The following ENPP1 variants were observed in gnomAD, a reference collection of about 807,000 sequenced individuals.
ENPP1 encodes the protein ectonucleotide pyrophosphatase/phosphodiesterase 1, also known as ectonucleotide pyrophosphatase/phosphodiesterase family member 1.
Under a neutral mutation model 122.8 loss-of-function variants are expected in ENPP1, and 73 were observed. That is an observed-to-expected ratio of 0.59 (90% CI 0.49 to 0.72). ENPP1 has a LOEUF of 0.72. ENPP1 is among the 30% of genes least tolerant of loss of function. ENPP1 has a pLI of 0.00. For synonymous variants in ENPP1, 367 were observed against 391.6 expected, an observed-to-expected ratio of 0.94 and a Z score of 0.74; for missense variants, 978 against 1,128.1, an observed-to-expected ratio of 0.87 and a Z score of 1.91.
chr6:131,849,762 C>G (rs889756959), intron 2 of ENPP1, among the ~76,000 whole-genome samples: 2 of 152,046 alleles, frequency 1.3e-5, no homozygotes, highest in Admixed American at 1.3e-4. Flanking sequence ...TCTTTCTTTC[C>G]TACATCAGGA....
chr6:131,885,352 G>C (rs773438494), intron 23 of ENPP1, among the ~76,000 whole-genome samples: 12 of 152,272 alleles, frequency 7.9e-5, no homozygotes, highest in Non-Finnish European at 1.5e-4. Context: ...ATCTCTGTGT[G>C]GCTGATTGTT....
intron 1 of ENPP1, among the ~76,000 whole-genome samples, chr6:131,817,287 C>G (rs887910110): frequency 6.6e-6 from 1 of 152,160 alleles, no homozygotes; most frequent in South Asian, 2.1e-4. Flanking sequence ...TTCCAACTCT[C>G]CTTTGCCTGC....
chr6:131,891,345 G>C lies in ENPP1; in HGVS notation c.*834G>C, dbSNP rs912794165. On this transcript the variant is annotated 3_prime_UTR_variant, in exon 25 of 25. Coordinates refer to ENST00000647893, the MANE Select transcript of ENPP1 (RefSeq NM_006208.3). Reference sequence around the variant, plus strand: ...TCAGAGCACCAGTCAGTGCATGCAAGGTGCCATTTTTTATTGAGATGCTTA... The same window carrying C: ...TCAGAGCACCAGTCAGTGCATGCAACGTGCCATTTTTTATTGAGATGCTTA... The C allele has an allele frequency of 6.9e-6, 1 of 145,360 alleles. No individual in the cohort carries two copies. The highest frequency in any genetic ancestry group is 2.4e-5 in the African/African-American group (1 of 41,068). The allele number at this position is 145,360 out of a possible 1,614,324, so 9.0% of individuals were successfully genotyped here. A position where few individuals can be genotyped will look rare whatever the true frequency, so the allele number is the denominator to read the frequency against.
chr6:131,878,696 A>G (rs921913874), intron 19 of ENPP1, 103 bp downstream of exon 19: 9 of 878,580 alleles, frequency 1.0e-5, no homozygotes, highest in African/African-American at 5.0e-5. Context: ...AGAATAACCA[A>G]TAAAATAAAG....
rs1163116799 is a variant in ENPP1, at chr6:131,808,254, C to A, written c.219C>A (p.Asn73Lys). ...AARARTAKDP[N>K]TYKVLSLVLS... ...GCGCCCGCACTGCCAAGGACCCCAA[C>A]ACCTATAAAGTACTCTCGCTGGTAG... is the stretch of plus-strand genomic sequence containing the variant. Residue 73 changes from asparagine to lysine, a missense_variant, in exon 1 of 25, where the codon AAC becomes AAA. Around this residue, in one of 3 missense-constraint regions of ENPP1, gnomAD observed 330 missense variants for 328.5 expected, o/e 1.00. Transcript: ENST00000647893. The A allele has an allele frequency of 1.7e-5, 26 of 1,518,370 alleles. No individual in the cohort carries two copies. In the South Asian group the frequency reaches 2.9e-4, roughly 17 times the overall value. 94.1% of individuals were successfully genotyped at this position (1,518,370 alleles called of 1,614,324 possible). A position where few individuals can be genotyped will look rare whatever the true frequency, so the allele number is the denominator to read the frequency against.
At chr6:131,814,128 A>G (rs1232650107) in intron 1 of ENPP1, among the ~76,000 whole-genome samples, 3 of 152,206 alleles carry the variant, frequency 2.0e-5, no homozygotes, top group African/African-American at 7.2e-5. Context: ...GATCCATCCA[A>G]TCTCAATGAG....
In ENPP1 at chr6:131,828,264, C is replaced by A. The variant is rs1337263828; in HGVS notation, c.241-19512C>A. On this transcript the variant is annotated intron_variant, in intron 1 of 24. Transcript: ENST00000647893. The stretch of plus-strand genomic sequence containing the variant: ...CACTTTGTAAGAAGACAGCACAGAA[C>A]CCTGCTCTGTGTCAGCTGGAGAGCT... The A allele has an allele frequency of 7.3e-6, 4 of 544,994 alleles. No homozygotes were observed. The Admixed American group carries it at 8.0e-5, about 11-fold the overall frequency. The allele number at this position is 544,994 out of a possible 1,614,324, so 33.8% of individuals were successfully genotyped here. A position where few individuals can be genotyped will look rare whatever the true frequency, so the allele number is the denominator to read the frequency against.
chr6:131,828,333 G>T (rs1781571595), intron 1 of ENPP1: 1 of 446,706 alleles, frequency 2.2e-6, no homozygotes, highest in Admixed American at 2.6e-5. Flanking sequence ...AATACCAGAA[G>T]ACATCCTACC....
chr6:131,830,248 A>G (rs920107044), intron 1 of ENPP1, among the ~76,000 whole-genome samples: 22 of 152,272 alleles, frequency 1.4e-4, no homozygotes, highest in Non-Finnish European at 2.5e-4. Context: ...GGTGAAGGTG[A>G]GCTGCAATGC....
rs1407442478 is a variant in ENPP1 at position 131,811,376 on chromosome 6, A to ATATCTATATATCTATATCTATATC, written c.240+3104_240+3105insCTATATATCTATATCTATATCTAT. Among the ~76,000 whole-genome samples, 84 of 131,286 alleles carry ATATCTATATATCTATATCTATATC rather than the reference A, an allele frequency of 6.4e-4. 1 individual carries two copies. Among genetic ancestry groups the ATATCTATATATCTATATCTATATC allele is most frequent in the South Asian group, 5.3e-3 (21 of 3,968 alleles). The allele number at this position is 131,286 out of a possible 152,430, so 86.1% of individuals were successfully genotyped here. ...AAAACATATATCTATATCTATATCT[A>ATATCTATATATCTATATCTATATC]TATATCTATATCTATATCTATATCT... On this transcript the variant is annotated intron_variant, in intron 1 of 24. Coordinates refer to ENST00000647893, the MANE Select transcript of ENPP1 (RefSeq NM_006208.3).
intron 22 of ENPP1, among the ~76,000 whole-genome samples, chr6:131,884,405 T>C (rs917837461): frequency 6.6e-6 from 1 of 152,132 alleles, no homozygotes; most frequent in Non-Finnish European, 1.5e-5. Context: ...TCAAAGAGAG[T>C]TGGGTTCAAC....
intron 11 of ENPP1, 76 bp from the exon 12 acceptor site, chr6:131,867,942 T>TTA: frequency 1.1e-6 from 1 of 930,416 alleles, no homozygotes; most frequent in East Asian, 2.5e-5. Flanking sequence ...TTTTTTTTTT[T>TTA]AACAGAGATA....
chr6:131,826,370 G>A (rs1254815525), intron 1 of ENPP1: 1 of 1,079,942 alleles, frequency 9.3e-7, no homozygotes, highest in East Asian at 2.4e-5. Flanking sequence ...CATAGGAAAA[G>A]CTGCTAGGGC....
intron 20 of ENPP1, 105 bp from the exon 21 acceptor site, chr6:131,882,240 C>G: frequency 1.1e-6 from 1 of 936,828 alleles, no homozygotes; most frequent in African/African-American, 1.7e-5. Flanking sequence ...GAGCTGACAG[C>G]TAGAGCTTCA....
chr6:131,845,043 GTTTTTTTTTTTTTT>G (rs142380855), intron 1 of ENPP1, among the ~76,000 whole-genome samples: 9 of 84,988 alleles, frequency 1.1e-4, no homozygotes, highest in East Asian at 5.8e-4. Context: ...ATTCTTCATG[GTTTTTTTTTTTTTT>G]TTTTTTTTTT....
intron 15 of ENPP1, 25 bp downstream of exon 15, chr6:131,873,075 A>T: frequency 1.9e-6 from 3 of 1,613,170 alleles, no homozygotes; most frequent in Non-Finnish European, 2.5e-6. Flanking sequence ...TCTCCCAGGT[A>T]AACTTAGTCT....
chr6:131,860,617 C>A, intron 8 of ENPP1, 111 bp downstream of exon 8: 1 of 791,448 alleles, frequency 1.3e-6, no homozygotes, highest in Non-Finnish European at 2.1e-6. Context: ...TTTAGTGTGT[C>A]TGTGGCCATT....
intron 24 of ENPP1, among the ~76,000 whole-genome samples, chr6:131,889,170 A>G (rs1046882779): frequency 1.3e-5 from 2 of 152,228 alleles, no homozygotes; most frequent in African/African-American, 4.8e-5. Context: ...TATATGTTAA[A>G]TAACTTTCCT....
chr6:131,885,782 G>A (rs750084900), intron 23 of ENPP1, among the ~76,000 whole-genome samples: 17 of 152,126 alleles, frequency 1.1e-4, no homozygotes, highest in Non-Finnish European at 2.2e-4. Flanking sequence ...ACATCAATTT[G>A]CAAAGTTACA....
Sources: gnomAD v4.1 joint callset for allele counts (sites outside exome capture counted in the v4.1 genomes callset) on GRCh38, gnomAD v4.1.1 for gene constraint, gnomAD v4.1.1 regional missense constraint, MANE v1.5 for transcripts, NCBI Gene and HGNC (gene_info 2026-07-23, HGNC 2026-07-21) for gene names.